Variants in KLHL13 observed in about 807,000 individuals in gnomAD.
KLHL13 encodes kelch like family member 13, also known as kelch-like protein 13.
KLHL13 carries 10 observed loss-of-function variants against 37.1 expected under a neutral mutation model. The ratio of observed to expected loss-of-function variants is 0.27; its 90% CI spans 0.17 to 0.46. The LOEUF is 0.46. Ranked by LOEUF, KLHL13 falls within the 20% of genes least tolerant of loss-of-function variation. The pLI, the probability that KLHL13 is intolerant of heterozygous loss-of-function variation, is 1.00. For synonymous variants in KLHL13, 163 were observed against 181.2 expected (o/e 0.90, Z 0.81); for missense variants, 360 against 509.3 (o/e 0.71, Z 2.82).
chrX:118,063,262 T>C (rs780225126), intron 1 of KLHL13, among the ~76,000 whole-genome samples: 4 of 110,067 alleles, frequency 3.6e-5, no homozygotes, highest in African/African-American at 6.6e-5. Flanking sequence ...TTTAGAGGAG[T>C]GGAAAAAGGG....
At chrX:117,963,179 T>C (rs1383875747) in intron 1 of KLHL13, among the ~76,000 whole-genome samples, 1 of 112,059 alleles carries the variant, frequency 8.9e-6, no homozygotes, top group Non-Finnish European at 1.9e-5. Context: ...AAACTGGGCA[T>C]GTTCTTGCCT....
chrX:117,962,886 G>A (rs867734562), intron 1 of KLHL13, among the ~76,000 whole-genome samples: 6 of 111,888 alleles, frequency 5.4e-5, no homozygotes, highest in Middle Eastern at 4.7e-3. Flanking sequence ...GTCCTTATTC[G>A]TAAAATAGTG....
intron 1 of KLHL13, among the ~76,000 whole-genome samples, chrX:118,102,230 T>C (rs1005281536): frequency 8.9e-6 from 1 of 111,950 alleles, no homozygotes; most frequent in African/African-American, 3.2e-5. Context: ...AATTGATGAA[T>C]GATTAAAGGT....
chrX:117,973,994 G>C (rs185687617), upstream of KLHL13, among the ~76,000 whole-genome samples: 156 of 110,709 alleles, frequency 1.4e-3, no homozygotes, highest in African/African-American at 5.0e-3. Context: ...TGAAGCTGCT[G>C]TCAAAGGCAG....
At chrX:118,081,598 A>C (rs984676140) in intron 1 of KLHL13, among the ~76,000 whole-genome samples, 1 of 111,774 alleles carries the variant, frequency 8.9e-6, no homozygotes. Flanking sequence ...TTGTGCTGGG[A>C]ACATTTCAAG....
chrX:118,000,488 A>G (rs773694629), intron 1 of KLHL13, among the ~76,000 whole-genome samples: 21 of 112,447 alleles, frequency 1.9e-4, no homozygotes, highest in African/African-American at 6.8e-4. Flanking sequence ...CAGTAATGTT[A>G]TACTCACTTC....
upstream of KLHL13, chrX:117,973,901 G>A (rs111257373): frequency 0.018 from 2,733 of 152,079 alleles, 98 homozygotes; most frequent in African/African-American, 0.089. Context: ...GGCCAAGCAG[G>A]TGTCCAGCAG....
chrX:118,099,336 A>C (rs1444176475), intron 1 of KLHL13, among the ~76,000 whole-genome samples: 2 of 111,870 alleles, frequency 1.8e-5, no homozygotes, highest in African/African-American at 6.5e-5. Context: ...ATTAAACTGA[A>C]AATTTCCTTC....
At chrX:118,082,182 C>A (rs2055002799) in intron 1 of KLHL13, among the ~76,000 whole-genome samples, 1 of 110,690 alleles carries the variant, frequency 9.0e-6, no homozygotes, top group Non-Finnish European at 1.9e-5. Context: ...TTTTAGGAAC[C>A]TTCACACTAT....
intron 2 of KLHL13, among the ~76,000 whole-genome samples, chrX:117,924,760 C>G (rs1280675514): frequency 9.0e-6 from 1 of 111,100 alleles, no homozygotes; most frequent in Non-Finnish European, 1.9e-5. Context: ...TGTCTGTCCT[C>G]AATTTCTTTA....
chrX:117,901,882 G>T (rs1451543609), exon 6 of KLHL13: 1 of 1,198,061 alleles, frequency 8.3e-7, no homozygotes, highest in Admixed American at 2.2e-5. Context: ...GGCCATAGTG[G>T]GGCTCACTCA....
intron 1 of KLHL13, among the ~76,000 whole-genome samples, chrX:118,054,542 C>T (rs892422825): frequency 4.5e-5 from 5 of 111,794 alleles, no homozygotes; most frequent in Admixed American, 2.9e-4. Context: ...TGCTCAAACA[C>T]TAAGCAACAT....
chrX:117,976,785 AC>A (rs968489522), upstream of KLHL13, among the ~76,000 whole-genome samples: 2 of 112,123 alleles, frequency 1.8e-5, no homozygotes, highest in Admixed American at 1.9e-4. Context: ...GTTAAAAAAT[AC>A]CTGTGAAATG....
At chrX:117,924,082 G>C (rs905214558) in intron 2 of KLHL13, among the ~76,000 whole-genome samples, 10 of 111,707 alleles carry the variant, frequency 9.0e-5, no homozygotes, top group Non-Finnish European at 9.4e-5. Flanking sequence ...ATGCATAAAT[G>C]AATGACCCCA....
chrX:118,088,649 G>C (rs1389706748), intron 1 of KLHL13, among the ~76,000 whole-genome samples: 1 of 111,613 alleles, frequency 9.0e-6, no homozygotes, highest in African/African-American at 3.3e-5. Context: ...AATGTCTCCT[G>C]AGTTAGGACA....
At chrX:118,075,434 A>G (rs1389415337) in intron 1 of KLHL13, among the ~76,000 whole-genome samples, 1 of 112,145 alleles carries the variant, frequency 8.9e-6, no homozygotes, top group African/African-American at 3.3e-5. Context: ...TCCTGAAGTC[A>G]GTGGATAAGT....
chrX:118,067,224 A>G (rs748991105), intron 1 of KLHL13, among the ~76,000 whole-genome samples: 6 of 112,050 alleles, frequency 5.4e-5, no homozygotes, highest in Non-Finnish European at 7.5e-5. Flanking sequence ...TGTGTATCTA[A>G]GCATATCTAA....
At chrX:118,051,926 G>A (rs1361062086) in intron 1 of KLHL13, among the ~76,000 whole-genome samples, 1 of 111,308 alleles carries the variant, frequency 9.0e-6, no homozygotes, top group Non-Finnish European at 1.9e-5. Context: ...CAGAGGCAAG[G>A]AAACTTTTTC....
chrX:117,966,791 G>T (rs1292667152), intron 1 of KLHL13, among the ~76,000 whole-genome samples: 1 of 111,696 alleles, frequency 9.0e-6, no homozygotes, highest in African/African-American at 3.3e-5. Context: ...ACAAACCGGA[G>T]AAAAACAAGC....
Sources: allele counts gnomAD v4.1 joint callset (sites outside exome capture counted in the v4.1 genomes callset), GRCh38; gene constraint gnomAD v4.1.1; transcripts MANE v1.5; gene names NCBI Gene and HGNC (gene_info 2026-07-23, HGNC 2026-07-21).